Variants in PARD3 observed in about 807,000 individuals in gnomAD.
PARD3 encodes partitioning defective 3 homolog.
A neutral mutation model predicts 155.4 loss-of-function variants in PARD3; 75 were observed. The ratio of observed to expected loss-of-function variants is 0.48; its 90% CI spans 0.40 to 0.58. PARD3 has a LOEUF of 0.58. Ranked by LOEUF, PARD3 falls within the 20% of genes least tolerant of loss-of-function variation. The pLI is 0.00. For synonymous variants in PARD3, 576 were observed against 610.5 expected, an observed-to-expected ratio of 0.94 and a Z score of 0.83; for missense variants, 1,642 against 1,721.7, an observed-to-expected ratio of 0.95 and a Z score of 0.82.
chr10:34,439,270 G>A (rs75072388), intron 5 of PARD3, among the ~76,000 whole-genome samples: 6 of 151,786 alleles, frequency 4.0e-5, no homozygotes, highest in East Asian at 1.9e-4. Context: ...GAATTACTTC[G>A]GAGAATTAAA....
intron 1 of PARD3, among the ~76,000 whole-genome samples, chr10:34,805,750 G>A (rs2134376743): frequency 6.6e-6 from 1 of 152,082 alleles, no homozygotes; most frequent in South Asian, 2.1e-4. Context: ...GCTGAGACAG[G>A]CGGATCACGA....
In PARD3 at chr10:34,341,776, A is replaced by T; in HGVS notation, c.2259T>A (p.Asp753Glu). ...QLSPTVNMPQDDTVIIEDDRL... is the reference protein window; with the variant it reads ...QLSPTVNMPQEDTVIIEDDRL... Reference sequence around the variant, plus strand: ...TGTCATCTTCTATAATGACAGTGTCATCTTGGGGCATATTCACTGTAGGGG... The same window carrying T: ...TGTCATCTTCTATAATGACAGTGTCTTCTTGGGGCATATTCACTGTAGGGG... Residue 753 changes from aspartate (D) to glutamate (E), a missense_variant, in exon 16 of 25, where the codon GAT becomes GAA. Asp to Glu is a conservative substitution (Grantham distance 45). This residue lies in a region of PARD3 where 1,529 missense variants were observed against 1,587.3 expected (regional missense o/e 0.96). Coordinates refer to ENST00000374788, the MANE Select transcript of PARD3 (RefSeq NM_001184785.2). 6.2e-7 allele frequency: 1 copy of T among 1,613,550 alleles called. No homozygotes were observed. The highest frequency in any genetic ancestry group is 8.5e-7 in the Non-Finnish European group (1 of 1,179,528).
chr10:34,281,339 C>A, intron 21 of PARD3, among the ~76,000 whole-genome samples: 1 of 152,120 alleles, frequency 6.6e-6, no homozygotes, highest in East Asian at 1.9e-4. Context: ...AATAGGGTAC[C>A]TAGGTTCAGT....
In PARD3 at chr10:34,413,803, C is replaced by T. The variant is rs17565687; in HGVS notation, c.715-11886G>A. 9.1e-3 allele frequency among the ~76,000 whole-genome samples: 1,390 copies of T among 152,192 alleles called. 16 individuals are homozygous for T. Among genetic ancestry groups the T allele is most frequent in the Non-Finnish European group, 0.012 (813 of 68,020 alleles). ...GGGGGAACAAGTTGATGACTATAAA[C>T]GTTCTTTAGAGTAGCAAGTCAGATA... On this transcript the variant is annotated intron_variant, in intron 5 of 24. Coordinates refer to ENST00000374788, the MANE Select transcript of PARD3 (RefSeq NM_001184785.2).
chr10:34,329,123 A>T (rs1295513071), intron 19 of PARD3, among the ~76,000 whole-genome samples: 2 of 152,120 alleles, frequency 1.3e-5, no homozygotes, highest in African/African-American at 2.4e-5. Context: ...TTTGTTTTTT[A>T]AAAAATAAGT....
chr10:34,392,697 T>C (rs1163425380), intron 7 of PARD3, among the ~76,000 whole-genome samples: 2 of 152,216 alleles, frequency 1.3e-5, no homozygotes, highest in Non-Finnish European at 2.9e-5. Context: ...ATGGTTTTTT[T>C]CAACTTCCCT....
intron 22 of PARD3, among the ~76,000 whole-genome samples, chr10:34,236,071 T>G (rs1415214971): frequency 6.6e-6 from 1 of 152,188 alleles, no homozygotes. Flanking sequence ...ACCTTGGAGA[T>G]TATACCTAAT....
intron 22 of PARD3, among the ~76,000 whole-genome samples, chr10:34,152,137 C>T (rs554679180): frequency 1.7e-4 from 26 of 152,172 alleles, no homozygotes; most frequent in Admixed American, 1.0e-3. Context: ...ACCCAATGTG[C>T]TTCTTATGTG....
intron 2 of PARD3, among the ~76,000 whole-genome samples, chr10:34,562,635 TAAA>T (rs2085591542): frequency 6.6e-6 from 1 of 152,184 alleles, no homozygotes. Flanking sequence ...ATATAAATGT[TAAA>T]AACTTTTTTT....
chr10:34,538,140 C>T (rs924488632), intron 2 of PARD3, among the ~76,000 whole-genome samples: 6 of 152,160 alleles, frequency 3.9e-5, no homozygotes, highest in African/African-American at 9.7e-5. Context: ...AGCGAGACTC[C>T]GTCTCAAAAA....
chr10:34,159,026 G>C (rs1949146589), intron 22 of PARD3, among the ~76,000 whole-genome samples: 1 of 152,162 alleles, frequency 6.6e-6, no homozygotes. Context: ...TCTTGAAAAA[G>C]AAACAAGAAT....
chr10:34,761,671 G>A (rs1837452691), intron 1 of PARD3, among the ~76,000 whole-genome samples: 1 of 152,134 alleles, frequency 6.6e-6, no homozygotes, highest in African/African-American at 2.4e-5. Context: ...AAAATGAGCA[G>A]ATTACCCTGG....
chr10:34,346,392 G>A (rs1301568940), intron 15 of PARD3: 3 of 1,332,684 alleles, frequency 2.3e-6, no homozygotes, highest in South Asian at 2.4e-5. Context: ...GAGGCAGGAC[G>A]CAGGTTACAG....
chr10:34,772,792 TA>T (rs555582256), intron 1 of PARD3, among the ~76,000 whole-genome samples: 3,850 of 90,290 alleles, frequency 0.043, 72 homozygotes, highest in African/African-American at 0.088. Context: ...AGACTCCATC[TA>T]AAAAAAAAAA....
chr10:34,223,791 T>G (rs1046148435), intron 22 of PARD3, among the ~76,000 whole-genome samples: 3 of 152,204 alleles, frequency 2.0e-5, no homozygotes, highest in Non-Finnish European at 4.4e-5. Flanking sequence ...CTCATTAACC[T>G]TTGTAACATC....
chr10:34,267,910 T>G (rs552843908), intron 22 of PARD3, among the ~76,000 whole-genome samples: 2 of 152,290 alleles, frequency 1.3e-5, no homozygotes, highest in South Asian at 4.1e-4. Context: ...CAGGAGATTC[T>G]GACACACACT....
intron 23 of PARD3, among the ~76,000 whole-genome samples, chr10:34,125,693 T>G (rs1947251214): frequency 1.3e-5 from 2 of 152,124 alleles, no homozygotes; most frequent in Non-Finnish European, 2.9e-5. Context: ...AAAGGACAGA[T>G]TTTGTTATTC....
intron 5 of PARD3, among the ~76,000 whole-genome samples, chr10:34,446,178 A>G (rs148153637): frequency 0.011 from 1,610 of 152,326 alleles, 12 homozygotes; most frequent in Non-Finnish European, 0.017. Context: ...AGGACAAGCT[A>G]GAGCACAGAG....
At chr10:34,441,042 T>A (rs2076436149) in intron 5 of PARD3, among the ~76,000 whole-genome samples, 1 of 152,118 alleles carries the variant, frequency 6.6e-6, no homozygotes, top group Admixed American at 6.5e-5. Flanking sequence ...TTTTAAAAGG[T>A]TAAATTTTAT....
Sources: allele counts gnomAD v4.1 joint callset (sites outside exome capture counted in the v4.1 genomes callset), GRCh38; gene constraint gnomAD v4.1.1; regional missense constraint gnomAD v4.1.1; transcripts MANE v1.5; gene names NCBI Gene and HGNC (gene_info 2026-07-23, HGNC 2026-07-21).